Variants in STOX2 observed in about 807,000 individuals in gnomAD.
STOX2 encodes storkhead-box protein 2.
Under a neutral mutation model 60.9 loss-of-function variants are expected in STOX2, and 28 were observed. The ratio of observed to expected loss-of-function variants is 0.46; its 90% confidence interval spans 0.34 to 0.63. STOX2 has a LOEUF of 0.63. Ranked by LOEUF, STOX2 falls within the 30% of genes least tolerant of loss-of-function variation. The probability of loss-of-function intolerance (pLI) is 0.01; values close to 1 mark genes in which losing one functional copy is unlikely to be tolerated. For synonymous variants in STOX2, 472 were observed against 463.9 expected, an observed-to-expected ratio of 1.02 and a Z score of -0.22; for missense variants, 1,024 against 1,187.7, an observed-to-expected ratio of 0.86 and a Z score of 2.03.
At chr4:183,807,993 G>C (rs1418767674) in intron 1 of STOX2, among the ~76,000 whole-genome samples, 2 of 152,236 alleles carry the variant, frequency 1.3e-5, no homozygotes, top group Non-Finnish European at 2.9e-5. Context: ...GCCAGGAGGA[G>C]GACTAAGGGA....
At chr4:183,839,284 A>G (rs1056501917) in intron 1 of STOX2, among the ~76,000 whole-genome samples, 16 of 152,190 alleles carry the variant, frequency 1.1e-4, no homozygotes, top group African/African-American at 3.9e-4. Flanking sequence ...AGAGTCACAG[A>G]GACATCTAGA....
chr4:183,820,039 C>T (rs1372942525), intron 1 of STOX2, among the ~76,000 whole-genome samples: 2 of 152,132 alleles, frequency 1.3e-5, no homozygotes, highest in African/African-American at 4.8e-5. Flanking sequence ...CTTTTACTCT[C>T]TTTTTGAAGT....
chr4:183,904,837 C>G (rs1741543763), upstream of STOX2, among the ~76,000 whole-genome samples: 1 of 152,240 alleles, frequency 6.6e-6, no homozygotes, highest in South Asian at 2.1e-4. Flanking sequence ...TGTGTTAGAA[C>G]TTCCTGAATC....
intron 1 of STOX2, among the ~76,000 whole-genome samples, chr4:183,819,399 G>T (rs1207983525): frequency 6.6e-6 from 1 of 151,946 alleles, no homozygotes; most frequent in Non-Finnish European, 1.5e-5. Flanking sequence ...ACGAAAACCA[G>T]TCAGGCATGG....
intron 2 of STOX2, among the ~76,000 whole-genome samples, chr4:184,006,885 G>A (rs1286171017): frequency 1.9e-4 from 28 of 148,560 alleles, no homozygotes; most frequent in Non-Finnish European, 2.3e-4. Flanking sequence ...GCGTAGTGGC[G>A]GGCGCCTGTA....
At chr4:183,876,506 C>T (rs1740832641) in intron 1 of STOX2, among the ~76,000 whole-genome samples, 1 of 152,158 alleles carries the variant, frequency 6.6e-6, no homozygotes, top group African/African-American at 2.4e-5. Flanking sequence ...TGGAACTGCA[C>T]CAGAAAGGAG....
At chr4:183,846,764 GA>G (rs2111136492) in intron 1 of STOX2, among the ~76,000 whole-genome samples, 1 of 152,100 alleles carries the variant, frequency 6.6e-6, no homozygotes, top group South Asian at 2.1e-4. Flanking sequence ...CTTCCTCAGA[GA>G]CAGTTTCTAT....
At chr4:183,804,908 T>A (rs1738850100) in intron 1 of STOX2, among the ~76,000 whole-genome samples, 1 of 152,236 alleles carries the variant, frequency 6.6e-6, no homozygotes, top group South Asian at 2.1e-4. Flanking sequence ...CACGTTTGTT[T>A]CCTTGTGGGT....
At chr4:183,808,943 A>G (rs1354308846) in intron 1 of STOX2, among the ~76,000 whole-genome samples, 1 of 152,206 alleles carries the variant, frequency 6.6e-6, no homozygotes, top group Non-Finnish European at 1.5e-5. Flanking sequence ...ACTTTAAGAC[A>G]CTGGGGGTCT....
At chr4:183,941,420 T>G (rs1371279475) in intron 1 of STOX2, among the ~76,000 whole-genome samples, 1 of 152,094 alleles carries the variant, frequency 6.6e-6, no homozygotes, top group Non-Finnish European at 1.5e-5. Flanking sequence ...ATACAAAAAT[T>G]AGCCAGGCGT....
chr4:183,962,997 G>C (rs1222818366), intron 1 of STOX2, among the ~76,000 whole-genome samples: 1 of 152,156 alleles, frequency 6.6e-6, no homozygotes, highest in Non-Finnish European at 1.5e-5. Flanking sequence ...AGGGTCTCTG[G>C]AAGGTAGAAT....
intron 1 of STOX2, among the ~76,000 whole-genome samples, chr4:183,814,952 A>G (rs577188163): frequency 1.8e-4 from 28 of 152,300 alleles, no homozygotes; most frequent in African/African-American, 5.5e-4. Context: ...AAATTGAATA[A>G]AAGATTTGAT....
chr4:183,966,770 A>T (rs528902612), intron 1 of STOX2, among the ~76,000 whole-genome samples: 2 of 152,184 alleles, frequency 1.3e-5, no homozygotes, highest in Non-Finnish European at 1.5e-5. Context: ...TTAATATTTT[A>T]AGTATTTTTG....
intron 1 of STOX2, among the ~76,000 whole-genome samples, chr4:183,914,343 G>A (rs532012273): frequency 3.3e-5 from 5 of 152,138 alleles, no homozygotes; most frequent in African/African-American, 4.8e-5. Flanking sequence ...GAGGCTGAGC[G>A]GAAGGATCAC....
At chr4:183,972,423 A>G (rs1743771746) in intron 1 of STOX2, among the ~76,000 whole-genome samples, 1 of 152,176 alleles carries the variant, frequency 6.6e-6, no homozygotes, top group African/African-American at 2.4e-5. Context: ...ATTGCATAAA[A>G]TATTGTATGA....
At chr4:183,947,312 G>C (rs538256117) in intron 1 of STOX2, among the ~76,000 whole-genome samples, 1 of 152,048 alleles carries the variant, frequency 6.6e-6, no homozygotes, top group East Asian at 1.9e-4. Flanking sequence ...GCATAGTTTT[G>C]ATCGTTGGTT....
chr4:183,906,670 G>T lies in STOX2; in HGVS notation c.-121G>T. 8.8e-7 allele frequency: 1 copy of T among 1,132,210 alleles called. No homozygotes were observed. Among genetic ancestry groups the T allele is most frequent in the Non-Finnish European group, 1.2e-6 (1 of 828,166 alleles). 70.1% of individuals were successfully genotyped at this position (1,132,210 alleles called of 1,614,324 possible). The stretch of plus-strand genomic sequence containing the variant: ...CTGGCGGTGTAGACGCCGACGAGGA[G>T]GGGCTGGGAAAATGTGCGCAGAGTC... On this transcript the variant is annotated 5_prime_UTR_variant, in exon 1 of 4. In the 5' UTR this introduces an upstream ATG that the reference lacks. Coordinates refer to ENST00000308497, the MANE Select transcript of STOX2 (RefSeq NM_020225.3).
intron 1 of STOX2, among the ~76,000 whole-genome samples, chr4:183,847,874 T>C (rs1452241852): frequency 6.6e-6 from 1 of 152,224 alleles, no homozygotes; most frequent in Non-Finnish European, 1.5e-5. Context: ...TTTGTGCACA[T>C]GTGCCTTACA....
At position 183,957,458 on chromosome 4, in the gene STOX2, A is replaced by G. The variant is rs538760238; in HGVS notation, c.167-43867A>G. Among the ~76,000 whole-genome samples the G allele has an allele frequency of 2.6e-5, 4 of 152,236 alleles. No individual in the cohort carries two copies. The East Asian group carries it at 5.8e-4, about 22-fold the overall frequency. On this transcript the variant is annotated intron_variant, in intron 1 of 3. Transcript: ENST00000308497. ...ATATTCGAATTCGATAGTTTCTTCT[A>G]AAGTTATGAATTGATGTTCATTTGT...
Sources: allele counts gnomAD v4.1 joint callset (sites outside exome capture counted in the v4.1 genomes callset), GRCh38; gene constraint gnomAD v4.1.1; transcripts MANE v1.5; gene names NCBI Gene and HGNC (gene_info 2026-07-23, HGNC 2026-07-21).